Variants in SPECC1L observed in about 807,000 individuals in gnomAD.
The protein encoded by SPECC1L is sperm antigen with calponin homology and coiled-coil domains 1 like.
A neutral mutation model predicts 116.8 loss-of-function variants in SPECC1L; 40 were observed. That is an observed-to-expected ratio of 0.34 (90% CI 0.27 to 0.45). The LOEUF (loss-of-function observed/expected upper bound fraction) is 0.45, where lower values mean the gene tolerates loss of function less well. Ranked by LOEUF, SPECC1L falls within the 20% of genes least tolerant of loss-of-function variation. The pLI, the probability that SPECC1L is intolerant of heterozygous loss-of-function variation, is 1.00. For synonymous variants in SPECC1L, 504 were observed against 500.6 expected (o/e 1.01, Z -0.09); for missense variants, 1,110 against 1,373.6 (o/e 0.81, Z 3.03).
intron 6 of SPECC1L, among the ~76,000 whole-genome samples, chr22:24,325,125 G>T (rs1331648292): frequency 6.6e-6 from 1 of 152,134 alleles, no homozygotes; most frequent in East Asian, 1.9e-4. Context: ...TGTAAAAATT[G>T]AGTTATAATT....
At chr22:24,286,680 C>T (rs1006984561) in intron 2 of SPECC1L, among the ~76,000 whole-genome samples, 3 of 152,150 alleles carry the variant, frequency 2.0e-5, no homozygotes, top group Admixed American at 6.5e-5. Context: ...AGGCCGTGAA[C>T]TGTGTCACTG....
chr22:24,383,832 T>TTTTTTTTTTTTA (rs2042110807), intron 14 of SPECC1L, among the ~76,000 whole-genome samples: 1 of 104,376 alleles, frequency 9.6e-6, no homozygotes, highest in African/African-American at 3.7e-5. Context: ...TTTTTTTTTT[T>TTTTTTTTTTTTA]AGTAGAGATG....
intron 11 of SPECC1L, among the ~76,000 whole-genome samples, chr22:24,347,544 C>G (rs1049686095): frequency 4.6e-5 from 7 of 152,078 alleles, no homozygotes; most frequent in Admixed American, 1.3e-4. Context: ...AAGCAGTAGC[C>G]CAGGGCAGCC....
At chr22:24,360,813 A>G (rs2041628690) in intron 11 of SPECC1L, among the ~76,000 whole-genome samples, 1 of 152,238 alleles carries the variant, frequency 6.6e-6, no homozygotes, top group Admixed American at 6.5e-5. Context: ...AATGTAAAAC[A>G]TTGATCTTTG....
Position 24,290,369 on chromosome 22 carries a change from C to T in SPECC1L, c.-37-11826C>T, listed in dbSNP as rs141455613. Among the ~76,000 whole-genome samples, 125 of 152,242 alleles carry T rather than the reference C, an allele frequency of 8.2e-4. No homozygotes were observed. In the Middle Eastern group the frequency reaches 0.017, roughly 21 times the overall value. On this transcript the variant is annotated intron_variant, in intron 2 of 16. Transcript: ENST00000314328. The stretch of plus-strand genomic sequence containing the variant: ...GAGGTAGATCTGGATGCCATCTTTC[C>T]TCATAAGTCATAACCGATATCGTTG...
chr22:24,404,275 G>T (rs1213644736), intron 14 of SPECC1L, among the ~76,000 whole-genome samples: 1 of 152,120 alleles, frequency 6.6e-6, no homozygotes, highest in African/African-American at 2.4e-5. Flanking sequence ...CCATCCCTAG[G>T]GGATCCCATA....
At chr22:24,283,508 A>G (rs1018937289) in intron 2 of SPECC1L, among the ~76,000 whole-genome samples, 5 of 152,246 alleles carry the variant, frequency 3.3e-5, no homozygotes, top group East Asian at 3.9e-4. Context: ...TAATTTTTAC[A>G]TTTATTTTCA....
intron 11 of SPECC1L, among the ~76,000 whole-genome samples, chr22:24,354,692 G>C (rs1039418697): frequency 1.2e-4 from 18 of 148,084 alleles, no homozygotes; most frequent in African/African-American, 4.2e-4. Flanking sequence ...TTTTGAGACA[G>C]AGTCTCACCC....
rs372665062 is a variant in SPECC1L, at chr22:24,338,852, G to A, written c.2652+375G>A. ...GCCCAGAAAGGTTAAGTAACTTGCC[G>A]AGGTTCATGCAATTAAGTGGTAGAG... On this transcript the variant is annotated intron_variant, in intron 10 of 16. Transcript: ENST00000314328. 6.6e-5 allele frequency among the ~76,000 whole-genome samples: 10 copies of A among 152,256 alleles called. No individual in the cohort carries two copies. The East Asian group carries it at 1.9e-3, about 29-fold the overall frequency.
intron 10 of SPECC1L, among the ~76,000 whole-genome samples, chr22:24,340,680 C>T (rs575694059): frequency 2.0e-5 from 3 of 152,220 alleles, no homozygotes; most frequent in South Asian, 4.1e-4. Flanking sequence ...TTATGAGCTA[C>T]ATTCAGTAGC....
intron 2 of SPECC1L, among the ~76,000 whole-genome samples, chr22:24,286,076 T>C (rs2049039369): frequency 6.6e-6 from 1 of 152,218 alleles, no homozygotes. Flanking sequence ...CTCAGAGGCA[T>C]GTATATGTGT....
intron 14 of SPECC1L, among the ~76,000 whole-genome samples, chr22:24,406,902 AC>A (rs1327276961): frequency 1.3e-5 from 2 of 152,056 alleles, no homozygotes; most frequent in African/African-American, 4.8e-5. Flanking sequence ...AACATTTCAA[AC>A]CATGCAACAG....
At chr22:24,358,115 GTTTT>G (rs531551339) in intron 11 of SPECC1L, among the ~76,000 whole-genome samples, 1 of 128,780 alleles carries the variant, frequency 7.8e-6, no homozygotes, top group African/African-American at 2.9e-5. Context: ...GTTTTTTTTG[GTTTT>G]TTTTTTTTTT....
At chr22:24,275,600 A>C (rs375146789) in intron 1 of SPECC1L, among the ~76,000 whole-genome samples, 2 of 151,166 alleles carry the variant, frequency 1.3e-5, no homozygotes, top group African/African-American at 2.4e-5. Flanking sequence ...TAAGGGTTTA[A>C]GAGATTAAGA....
At chr22:24,281,805 A>G (rs2146338596) in intron 2 of SPECC1L, among the ~76,000 whole-genome samples, 1 of 152,326 alleles carries the variant, frequency 6.6e-6, no homozygotes, top group Admixed American at 6.5e-5. Flanking sequence ...ACTGGCTAGA[A>G]CTTCTAAGTA....
At chr22:24,289,442 A>G (rs1177432355) in intron 2 of SPECC1L, among the ~76,000 whole-genome samples, 1 of 152,222 alleles carries the variant, frequency 6.6e-6, no homozygotes, top group Admixed American at 6.5e-5. Context: ...GGATCTGAAG[A>G]GGTCTTGGCA....
At chr22:24,334,307 C>T (rs950317567) in intron 8 of SPECC1L, 103 bp from the exon 9 acceptor site, 85 of 1,235,506 alleles carry the variant, frequency 6.9e-5, no homozygotes, top group Non-Finnish European at 9.4e-5. Flanking sequence ...CCACCGTGCC[C>T]GGCCATTAAA....
intron 14 of SPECC1L, among the ~76,000 whole-genome samples, chr22:24,393,604 G>C (rs1471014436): frequency 6.6e-6 from 1 of 152,168 alleles, no homozygotes. Flanking sequence ...CTCTAAAACA[G>C]AGAGAGCCTG....
chr22:24,323,903 A>G (rs2040768668), intron 5 of SPECC1L, among the ~76,000 whole-genome samples: 1 of 152,236 alleles, frequency 6.6e-6, no homozygotes, highest in African/African-American at 2.4e-5. Flanking sequence ...GTTAATCATT[A>G]AACAAACGTA....
Sources: allele counts gnomAD v4.1 joint callset (sites outside exome capture counted in the v4.1 genomes callset), GRCh38; gene constraint gnomAD v4.1.1; transcripts MANE v1.5; gene names NCBI Gene and HGNC (gene_info 2026-07-23, HGNC 2026-07-21).